Variants in PCDHA11 observed in about 807,000 individuals in gnomAD.
PCDHA11 encodes protocadherin alpha-11.
In PCDHA11, 61 loss-of-function variants were observed where a neutral mutation model predicts 70.3. That is an observed-to-expected ratio of 0.87 (90% CI 0.71 to 1.07). The LOEUF is 1.07. Among genes scored for constraint, PCDHA11 ranks in the 50% least tolerant of loss-of-function variants. PCDHA11 has a pLI of 0.00. For missense variants in PCDHA11, 1,324 were observed against 1,237.5 expected (o/e 1.07, Z -1.05); for synonymous variants, 633 against 555.1 (o/e 1.14, Z -1.97).
rs1554181471 is a variant in PCDHA11, at chr5:140,884,352, A to G, written c.2391+12858A>G. ...GTGGGTCCAGAAGCGGCGCTGGTGG[A>G]TGTCAATGTTTACTTGATCATTGCC... is the stretch of plus-strand genomic sequence containing the variant. On this transcript the variant is annotated intron_variant, in intron 1 of 3. Transcript: ENST00000398640. The G allele has an allele frequency of 2.5e-6, 4 of 1,613,710 alleles. No individual in the cohort carries two copies. The Admixed American group carries it at 5.0e-5, about 20-fold the overall frequency.
intron 1 of PCDHA11, among the ~76,000 whole-genome samples, chr5:140,947,554 G>T (rs977454594): frequency 1.3e-5 from 2 of 151,358 alleles, no homozygotes; most frequent in Non-Finnish European, 3.0e-5. Flanking sequence ...AATTCCGCTG[G>T]GATTTATATT....
chr5:140,889,434 G>T (rs1349291699), intron 1 of PCDHA11, among the ~76,000 whole-genome samples: 1 of 151,774 alleles, frequency 6.6e-6, no homozygotes, highest in African/African-American at 2.4e-5. Context: ...ATTTTTTCAG[G>T]TATTTTCCTG....
intron 3 of PCDHA11, among the ~76,000 whole-genome samples, chr5:140,995,476 A>G (rs2097685199): frequency 6.6e-6 from 1 of 152,210 alleles, no homozygotes; most frequent in Non-Finnish European, 1.5e-5. Flanking sequence ...TTTTTCATTT[A>G]ATATTTTCAG....
At chr5:140,873,590 A>C (rs1188968124) in intron 1 of PCDHA11, among the ~76,000 whole-genome samples, 2 of 152,202 alleles carry the variant, frequency 1.3e-5, no homozygotes, top group Non-Finnish European at 2.9e-5. Flanking sequence ...ATTAAGCTAA[A>C]CTTAGATGTT....
At chr5:140,958,995 T>G (rs868959473) in intron 1 of PCDHA11, among the ~76,000 whole-genome samples, 1 of 152,148 alleles carries the variant, frequency 6.6e-6, no homozygotes, top group African/African-American at 2.4e-5. Flanking sequence ...TGCTAATCTT[T>G]TACTGTACCT....
At chr5:140,874,188 A>G (rs1478438376) in intron 1 of PCDHA11, among the ~76,000 whole-genome samples, 2 of 152,208 alleles carry the variant, frequency 1.3e-5, no homozygotes, top group Non-Finnish European at 2.9e-5. Flanking sequence ...TAAAGGTGTC[A>G]TATTTCAGTT....
Position 140,870,745 on chromosome 5 carries a change from G to A in PCDHA11, c.1642G>A (p.Val548Met), listed in dbSNP as rs369212308. 6.2e-7 allele frequency: 1 copy of A among 1,613,530 alleles called. No homozygotes were observed. The highest frequency in any genetic ancestry group is 1.1e-5 in the South Asian group (1 of 91,080). ...DAGVPPLSSN[V>M]TLQVFVLDEN... The stretch of plus-strand genomic sequence containing the variant: ...GGGCGTGCCGCCTCTGAGCAGCAAC[G>A]TGACGCTGCAGGTGTTCGTGCTGGA... Residue 548 changes from valine (V) to methionine (M), a missense_variant, in exon 1 of 4, where the codon GTG becomes ATG. By Grantham distance (21) the Val-to-Met change is conservative (BLOSUM62 1). Transcript: ENST00000398640.
chr5:140,999,693 AT>A (rs202183337), intron 3 of PCDHA11, among the ~76,000 whole-genome samples: 13 of 151,522 alleles, frequency 8.6e-5, no homozygotes, highest in African/African-American at 2.4e-4. Flanking sequence ...AAGAAATGTG[AT>A]TTTTTTTTAG....
At chr5:140,996,596 C>G (rs1343501273) in intron 3 of PCDHA11, among the ~76,000 whole-genome samples, 1 of 152,156 alleles carries the variant, frequency 6.6e-6, no homozygotes. Flanking sequence ...CCGCCTCCCC[C>G]CATTTTCATT....
In PCDHA11 at chr5:141,006,360, C is replaced by T. The variant is rs898915080; in HGVS notation, c.2540-3267C>T. ...CTGAGTAGCTGGGACTATAGGCGCC[C>T]ACCACCACGCCCGGCTAAGTTTTTT... On this transcript the variant is annotated intron_variant, in intron 3 of 3. Coordinates refer to ENST00000398640, the MANE Select transcript of PCDHA11 (RefSeq NM_018902.5). Among the ~76,000 whole-genome samples, 9 of 151,982 alleles carry T rather than the reference C, an allele frequency of 5.9e-5. 1 individual carries two copies. The highest frequency in any genetic ancestry group is 1.2e-4 in the Non-Finnish European group (8 of 67,998).
chr5:140,998,547 A>C (rs1173862918), intron 3 of PCDHA11, among the ~76,000 whole-genome samples: 4 of 150,288 alleles, frequency 2.7e-5, no homozygotes, highest in African/African-American at 9.8e-5. Flanking sequence ...TCCTAATTTA[A>C]TGTCTAATTT....
intron 1 of PCDHA11, among the ~76,000 whole-genome samples, chr5:140,951,086 T>A (rs2094547457): frequency 6.6e-6 from 1 of 152,066 alleles, no homozygotes; most frequent in Admixed American, 6.5e-5. Context: ...ATTTTCCTTT[T>A]TTTCTGATAA....
intron 1 of PCDHA11, chr5:140,884,052 G>A (rs200938440): frequency 8.7e-6 from 14 of 1,613,472 alleles, no homozygotes; most frequent in African/African-American, 4.0e-5. Context: ...GCGAAGGTGC[G>A]CGCGGTGGAC....
intron 3 of PCDHA11, among the ~76,000 whole-genome samples, chr5:140,989,227 C>T (rs933142074): frequency 2.6e-5 from 4 of 152,162 alleles, no homozygotes; most frequent in African/African-American, 9.7e-5. Flanking sequence ...TTCTTTGTAG[C>T]TGAAGTTTTA....
intron 3 of PCDHA11, among the ~76,000 whole-genome samples, chr5:141,008,980 A>C (rs533099581): frequency 6.6e-6 from 1 of 152,374 alleles, no homozygotes; most frequent in African/African-American, 2.4e-5. Context: ...GCCAAAGTTT[A>C]ATCTAGACAC....
At chr5:140,961,113 C>T (rs2095591220) in intron 1 of PCDHA11, among the ~76,000 whole-genome samples, 1 of 152,190 alleles carries the variant, frequency 6.6e-6, no homozygotes, top group Non-Finnish European at 1.5e-5. Context: ...AACCCCCTTG[C>T]ATCTTAATGT....
rs544683188 is a variant in PCDHA11 at position 140,871,907 on chromosome 5, C to G, written c.2391+413C>G. ...TCTTTGTCTTTTAGCAGAGTTTTGC[C>G]TTGATATTTCCACATTGTTAGATCA... On this transcript the variant is annotated intron_variant, in intron 1 of 3. Coordinates refer to ENST00000398640, the MANE Select transcript of PCDHA11 (RefSeq NM_018902.5). Among the ~76,000 whole-genome samples the G allele has an allele frequency of 3.9e-5, 6 of 152,316 alleles. No homozygotes were observed. In the South Asian group the frequency reaches 1.2e-3, roughly 32 times the overall value.
intron 1 of PCDHA11, among the ~76,000 whole-genome samples, chr5:140,975,269 T>A (rs1348655604): frequency 1.3e-5 from 2 of 152,252 alleles, no homozygotes; most frequent in African/African-American, 4.8e-5. Context: ...CTGATTTCTG[T>A]CTCTGACCTC....
chr5:140,931,683 A>G (rs1482331530), intron 1 of PCDHA11, among the ~76,000 whole-genome samples: 2 of 151,950 alleles, frequency 1.3e-5, no homozygotes, highest in African/African-American at 4.8e-5. Flanking sequence ...AAATAAATGA[A>G]TTGTGATTCA....
Sources: allele counts gnomAD v4.1 joint callset (sites outside exome capture counted in the v4.1 genomes callset), GRCh38; gene constraint gnomAD v4.1.1; transcripts MANE v1.5; gene names NCBI Gene and HGNC (gene_info 2026-07-23, HGNC 2026-07-21).